KIAA2012: variants seen among roughly 807,000 people sequenced by gnomAD.
KIAA2012 encodes KIAA2012, also known as uncharacterized protein KIAA2012.
KIAA2012 carries 125 observed loss-of-function variants against 150.6 expected under a neutral mutation model. That is an observed-to-expected ratio of 0.83 (90% confidence interval 0.72 to 0.96). The LOEUF (loss-of-function observed/expected upper bound fraction) is 0.96, where lower values mean the gene tolerates loss of function less well. KIAA2012 is among the 40% of genes least tolerant of loss of function. The pLI is 0.00. For missense variants in KIAA2012, 1,219 were observed against 1,354.9 expected, an observed-to-expected ratio of 0.90 and a Z score of 1.57; for synonymous variants, 462 against 504.7, an observed-to-expected ratio of 0.92 and a Z score of 1.13.
intron 22 of KIAA2012, chr2:202,202,001 G>T: frequency 1.7e-6 from 1 of 590,786 alleles, no homozygotes; most frequent in Non-Finnish European, 3.0e-6. Flanking sequence ...GTTACCCAAC[G>T]CCTGAGTGGC....
Position 202,199,920 on chromosome 2 carries a change from ATT to A in KIAA2012, c.3408-2481_3408-2480del, listed in dbSNP as rs71025287. On this transcript the variant is annotated intron_variant, in intron 22 of 23. Transcript: ENST00000498697. ...TGCATCTTCCTCCTTGCCCCTCATA[ATT>A]TTTTTTTTTTTTTTTTTTTTTTTTT... Among the ~76,000 whole-genome samples, 39 of 76,280 alleles carry A rather than the reference ATT, an allele frequency of 5.1e-4. No individual in the cohort carries two copies. The South Asian group carries it at 6.1e-3, about 12-fold the overall frequency. 50.0% of individuals were successfully genotyped at this position (76,280 alleles called of 152,430 possible).
intron 13 of KIAA2012, among the ~76,000 whole-genome samples, chr2:202,146,370 C>T (rs540115766): frequency 4.6e-5 from 7 of 152,116 alleles, no homozygotes; most frequent in East Asian, 1.9e-4. Flanking sequence ...CAGTGGCTCA[C>T]GCCTGTAATC....
chr2:202,082,513 T>C (rs1353767957), intron 2 of KIAA2012, among the ~76,000 whole-genome samples: 1 of 152,138 alleles, frequency 6.6e-6, no homozygotes, highest in African/African-American at 2.4e-5. Context: ...GGAGAATTGC[T>C]TGAACCCGGG....
At chr2:202,187,458 C>A (rs893759808) in intron 17 of KIAA2012, among the ~76,000 whole-genome samples, 1 of 152,154 alleles carries the variant, frequency 6.6e-6, no homozygotes, top group Admixed American at 6.5e-5. Context: ...GCATGTGACA[C>A]CAGTCCCAGC....
At position 202,086,160 on chromosome 2, in the gene KIAA2012, T is replaced by C. The variant is rs1689562716; in HGVS notation, c.370-4610T>C. On this transcript the variant is annotated intron_variant, in intron 2 of 23. Coordinates refer to ENST00000498697, the MANE Select transcript of KIAA2012 (RefSeq NM_001277372.4). ...TCCAGCCTGGGTGAAAGACCGAAAC[T>C]CTGTCTCAAAAAAAAAAAAAAAAAA... is the stretch of plus-strand genomic sequence containing the variant. Among the ~76,000 whole-genome samples, 3 of 95,188 alleles carry C rather than the reference T, an allele frequency of 3.2e-5. No individual in the cohort carries two copies. The Admixed American group carries it at 3.8e-4, about 12-fold the overall frequency. The allele number at this position is 95,188 out of a possible 152,430, so 62.4% of individuals were successfully genotyped here. A position where few individuals can be genotyped will look rare whatever the true frequency, so the allele number is the denominator to read the frequency against.
intron 11 of KIAA2012, chr2:202,116,465 C>T (rs1432909327): frequency 6.2e-4 from 36 of 58,006 alleles, no homozygotes; most frequent in South Asian, 9.6e-4. Flanking sequence ...CCATGCCCGG[C>T]TTTTTTTTTT....
intron 12 of KIAA2012, among the ~76,000 whole-genome samples, chr2:202,133,130 A>ATT (rs60064904): frequency 0.05 from 3,359 of 67,698 alleles, 357 homozygotes; most frequent in Non-Finnish European, 0.064. Flanking sequence ...ATATATATAT[A>ATT]TTTTTTTTTT....
chr2:202,204,553 A>C (rs1172120977), intron 23 of KIAA2012, among the ~76,000 whole-genome samples: 5 of 152,136 alleles, frequency 3.3e-5, no homozygotes, highest in Admixed American at 2.0e-4. Context: ...TCTATACTTA[A>C]CTGTCCACAG....
rs1690134109 is a variant in KIAA2012, at chr2:202,104,636, C to T, written c.1325-1125C>T. On this transcript the variant is annotated intron_variant, in intron 8 of 23. Coordinates refer to ENST00000498697, the MANE Select transcript of KIAA2012 (RefSeq NM_001277372.4). The surrounding 1 kb of genome is among the most constrained non-coding windows in gnomAD (Gnocchi z 4.3). The stretch of plus-strand genomic sequence containing the variant: ...TATCCCTTGCTGTCTGGTACTGGCC[C>T]TCTGATAATTACAGCAGGCAGATAG... Among the ~76,000 whole-genome samples the T allele has an allele frequency of 6.6e-6, 1 of 152,176 alleles. No homozygotes were observed. The highest frequency in any genetic ancestry group is 2.4e-5 in the African/African-American group (1 of 41,434).
chr2:202,104,457 G>A lies in KIAA2012; in HGVS notation c.1325-1304G>A, dbSNP rs1238211059. Among the ~76,000 whole-genome samples, 1 of 152,190 alleles carries A rather than the reference G, an allele frequency of 6.6e-6. No homozygotes were observed. The highest frequency in any genetic ancestry group is 1.5e-5 in the Non-Finnish European group (1 of 68,016). On this transcript the variant is annotated intron_variant, in intron 8 of 23. Coordinates refer to ENST00000498697, the MANE Select transcript of KIAA2012 (RefSeq NM_001277372.4). This position sits in a 1 kb window ranked among gnomAD's most constrained non-coding sequence, Gnocchi z 4.3. The stretch of plus-strand genomic sequence containing the variant: ...ACACCATGCAGGGCCACACGGGGGC[G>A]CACCAGCCTCCAGGAGGCAGAAGGC...
intron 12 of KIAA2012, among the ~76,000 whole-genome samples, chr2:202,130,790 A>G (rs1374432748): frequency 6.6e-6 from 1 of 152,088 alleles, no homozygotes; most frequent in Non-Finnish European, 1.5e-5. Context: ...AGTGGCAGGC[A>G]CCTGTAGTCC....
chr2:202,193,596 G>A (rs1261100590), intron 20 of KIAA2012, 93 bp downstream of exon 20: 1 of 1,281,570 alleles, frequency 7.8e-7, no homozygotes, highest in African/African-American at 1.5e-5. Flanking sequence ...GTTTGGTTCT[G>A]AGGCTCATGC....
intron 15 of KIAA2012, among the ~76,000 whole-genome samples, chr2:202,177,383 C>T (rs1397303419): frequency 7.2e-5 from 11 of 152,096 alleles, no homozygotes; most frequent in Non-Finnish European, 5.9e-5. Flanking sequence ...TGTCTTAATC[C>T]ATTTTGTGAT....
At chr2:202,204,809 AAAC>A (rs912590135) in intron 23 of KIAA2012, among the ~76,000 whole-genome samples, 186 bp from the exon 24 acceptor site, 2 of 152,228 alleles carry the variant, frequency 1.3e-5, no homozygotes, top group Admixed American at 6.5e-5. Flanking sequence ...TATGTCATAT[AAAC>A]GTTTTCTCAA....
chr2:202,179,332 C>G, intron 15 of KIAA2012: 3 of 1,129,964 alleles, frequency 2.7e-6, no homozygotes, highest in Non-Finnish European at 4.0e-6. Context: ...TGACTACATT[C>G]AGCCCGTCTG....
At chr2:202,140,328 A>T (rs56050800) in intron 13 of KIAA2012, among the ~76,000 whole-genome samples, 44,872 of 151,862 alleles carry the variant, frequency 0.3, 6,810 homozygotes, top group South Asian at 0.33. Flanking sequence ...GGGGTCTTAA[A>T]CTCTCATGCT....
In KIAA2012 at chr2:202,168,431, AAAAG is replaced by A. The variant is rs960319918; in HGVS notation, c.2119+3083_2119+3086del. Among the ~76,000 whole-genome samples, 15 of 150,732 alleles carry A rather than the reference AAAAG, an allele frequency of 1.0e-4. No homozygotes were observed. The South Asian group carries it at 3.2e-3, about 32-fold the overall frequency. On this transcript the variant is annotated intron_variant, in intron 15 of 23. Transcript: ENST00000498697. ...AGACTCTGTCTCAAAAAAAAAAAAA[AAAAG>A]AAAGAAAAAAAAAGAAAAGTACCCA...
intron 16 of KIAA2012, among the ~76,000 whole-genome samples, chr2:202,185,507 A>C (rs1172523546): frequency 1.3e-5 from 2 of 152,186 alleles, no homozygotes; most frequent in East Asian, 3.8e-4. Context: ...ATAAAGGGGG[A>C]AAGGCACTTG....
In KIAA2012 at chr2:202,163,553, A is replaced by G. The variant is rs75795640; in HGVS notation, c.2047-1731A>G. Among the ~76,000 whole-genome samples the G allele has an allele frequency of 3.9e-4, 60 of 152,262 alleles. 1 individual carries two copies. The East Asian group carries it at 0.01, about 26-fold the overall frequency. Reference sequence around the variant, plus strand: ...TTTTTCCAAATCCCTGAGTTTCTCTATCTCCCTCTCCCACTCTGTGAAATG... The same window carrying G: ...TTTTTCCAAATCCCTGAGTTTCTCTGTCTCCCTCTCCCACTCTGTGAAATG... On this transcript the variant is annotated intron_variant, in intron 14 of 23. Transcript: ENST00000498697.
Sources: gnomAD v4.1 joint callset for allele counts (sites outside exome capture counted in the v4.1 genomes callset) on GRCh38, gnomAD v4.1.1 for gene constraint, Gnocchi (gnomAD v3.1) non-coding constraint, MANE v1.5 for transcripts, NCBI Gene and HGNC (gene_info 2026-07-23, HGNC 2026-07-21) for gene names.